The following ANKRD28 variants were observed in gnomAD, a reference collection of about 807,000 sequenced individuals.
The protein encoded by ANKRD28 is ankyrin repeat domain 28.
ANKRD28 carries 44 observed loss-of-function variants against 126.5 expected under a neutral mutation model. The observed-to-expected ratio is 0.35, with a 90% CI of 0.27 to 0.45. The LOEUF is 0.45. Ranked by LOEUF, ANKRD28 falls within the 20% of genes least tolerant of loss-of-function variation. The pLI, the probability that ANKRD28 is intolerant of heterozygous loss-of-function variation, is 1.00. For missense variants in ANKRD28, 1,110 were observed against 1,316.6 expected, an observed-to-expected ratio of 0.84 and a Z score of 2.43; for synonymous variants, 442 against 468.5, an observed-to-expected ratio of 0.94 and a Z score of 0.73.
At position 15,854,673 on chromosome 3, in the gene ANKRD28, T is replaced by G. The variant is rs147637787; in HGVS notation, c.27+4704A>C. On this transcript the variant is annotated intron_variant, in intron 1 of 27. Transcript: ENST00000399451. This position sits in a 1 kb window ranked among gnomAD's most constrained non-coding sequence, Gnocchi z 4.1. The stretch of plus-strand genomic sequence containing the variant: ...ATCTCACTTACCCTACATCTATGTG[T>G]TTTTTTTTTCCCCTCTTCTAAGATC... Among the ~76,000 whole-genome samples, 226 of 149,584 alleles carry G rather than the reference T, an allele frequency of 1.5e-3. 2 individuals carry two copies. Among genetic ancestry groups the G allele is most frequent in the African/African-American group, 5.4e-3 (219 of 40,934 alleles).
chr3:15,781,107 AT>A (rs1254679310), intron 2 of ANKRD28, among the ~76,000 whole-genome samples: 1 of 152,060 alleles, frequency 6.6e-6, no homozygotes. Context: ...AAAAAAAAAA[AT>A]CACATGTATA....
intron 4 of ANKRD28, among the ~76,000 whole-genome samples, chr3:15,741,185 C>T (rs768259160): frequency 1.3e-5 from 2 of 150,684 alleles, no homozygotes; most frequent in African/African-American, 4.9e-5. Context: ...GGCGACAGAG[C>T]GAGACTCCAT....
rs1034544812 is a variant in ANKRD28 at position 15,838,934 on chromosome 3, G to C, written c.27+20443C>G. 1.4e-4 allele frequency among the ~76,000 whole-genome samples: 22 copies of C among 152,060 alleles called. No individual in the cohort carries two copies. The highest frequency in any genetic ancestry group is 1.0e-3 in the Admixed American group (16 of 15,276). On this transcript the variant is annotated intron_variant, in intron 1 of 27. Coordinates refer to the ANKRD28 transcript ENST00000399451. This position sits in a 1 kb window ranked among gnomAD's most constrained non-coding sequence, Gnocchi z 4.0. ...CAATGGAATACTATTCAGCAACGAAGAACCAATTAATACATGTTACAACAT... is the reference window on the plus strand; with the variant it reads ...CAATGGAATACTATTCAGCAACGAACAACCAATTAATACATGTTACAACAT...
intron 14 of ANKRD28, among the ~76,000 whole-genome samples, chr3:15,704,088 GC>G (rs1575259966): frequency 6.6e-6 from 1 of 152,044 alleles, no homozygotes; most frequent in African/African-American, 2.4e-5. Flanking sequence ...CTCAAAGACA[GC>G]CCTATACGTA....
intron 1 of ANKRD28, among the ~76,000 whole-genome samples, chr3:15,828,696 T>C (rs1377862433): frequency 6.6e-6 from 1 of 152,024 alleles, no homozygotes; most frequent in Non-Finnish European, 1.5e-5. Flanking sequence ...ATTTTTAACC[T>C]AATCTCTGAC....
intron 2 of ANKRD28, among the ~76,000 whole-genome samples, chr3:15,790,710 T>C (rs909040546): frequency 6.6e-6 from 1 of 151,794 alleles, no homozygotes; most frequent in Non-Finnish European, 1.5e-5. Flanking sequence ...AAACTGAAAA[T>C]CTTTCCTCTA....
In ANKRD28 at chr3:15,843,334, C is replaced by A. The variant is rs866005027; in HGVS notation, c.27+16043G>T. On this transcript the variant is annotated intron_variant, in intron 1 of 27. Coordinates refer to the ANKRD28 transcript ENST00000399451. This position sits in a 1 kb window ranked among gnomAD's most constrained non-coding sequence, Gnocchi z 5.2. ...ATGATCCAATCACCTCTCACCAGAC[C>A]CCAATCCCAACACTAAAGATTACAT... Among the ~76,000 whole-genome samples, 1 of 152,034 alleles carries A rather than the reference C, an allele frequency of 6.6e-6. No homozygotes were observed. The highest frequency in any genetic ancestry group is 2.1e-4 in the South Asian group (1 of 4,830).
At position 15,793,833 on chromosome 3, in the gene ANKRD28, A is replaced by G. The variant is rs765128080; in HGVS notation, c.201+1390T>C. On this transcript the variant is annotated intron_variant, in intron 2 of 27. Transcript: ENST00000683139. The stretch of plus-strand genomic sequence containing the variant: ...GTAATCCCAGCACTTTGGGAGGCCA[A>G]GGCGGGCCGATCACCTGAGATCAGG... Among the ~76,000 whole-genome samples the G allele has an allele frequency of 3.3e-5, 5 of 152,206 alleles. No individual in the cohort carries two copies. In the South Asian group the frequency reaches 8.3e-4, roughly 25 times the overall value.
intron 1 of ANKRD28, among the ~76,000 whole-genome samples, chr3:15,844,318 T>C (rs2061485595): frequency 6.6e-6 from 1 of 152,146 alleles, no homozygotes; most frequent in Non-Finnish European, 1.5e-5. Context: ...GGTCAAGACT[T>C]CTCAAGAGGT....
chr3:15,847,597 C>G (rs2061555677), intron 1 of ANKRD28, among the ~76,000 whole-genome samples: 1 of 152,176 alleles, frequency 6.6e-6, no homozygotes. Context: ...TGCTCTAAAT[C>G]TTAGGCCCTC....
At chr3:15,772,385 A>C (rs1032188439) in intron 2 of ANKRD28, among the ~76,000 whole-genome samples, 3 of 152,200 alleles carry the variant, frequency 2.0e-5, no homozygotes, top group African/African-American at 7.2e-5. Context: ...GATGAAGCCA[A>C]CATTATCATC....
chr3:15,827,623 A>C (rs2061095912), intron 1 of ANKRD28, among the ~76,000 whole-genome samples: 1 of 152,178 alleles, frequency 6.6e-6, no homozygotes, highest in East Asian at 1.9e-4. Context: ...GTAAGAGCTA[A>C]AACTGTAAAA....
intron 17 of ANKRD28, among the ~76,000 whole-genome samples, chr3:15,691,785 G>A (rs1287369610): frequency 6.6e-6 from 1 of 152,126 alleles, no homozygotes; most frequent in East Asian, 1.9e-4. Flanking sequence ...TTATGCTACT[G>A]AAAGAATGAA....
chr3:15,797,569 A>AAGC lies in ANKRD28; in HGVS notation c.-1049_-1048insGCT. 1.0e-6 allele frequency: 1 copy of AAGC among 981,252 alleles called. No individual in the cohort carries two copies. Among genetic ancestry groups the AAGC allele is most frequent in the African/African-American group, 1.8e-5 (1 of 56,572 alleles). 60.8% of individuals were successfully genotyped at this position (981,252 alleles called of 1,614,324 possible). A position where few individuals can be genotyped will look rare whatever the true frequency, so the allele number is the denominator to read the frequency against. ...CTTTTTGTTTTCTTTAAAAAAAAAA[A>AAGC]GGGGGGGGAAAAACATAGTAGTGTA... On this transcript the variant is annotated 5_prime_UTR_variant, in exon 1 of 28. Coordinates refer to ENST00000683139, the MANE Select transcript of ANKRD28 (RefSeq NM_001349278.2).
chr3:15,684,019 T>C (rs904427000), intron 21 of ANKRD28: 1 of 152,056 alleles, frequency 6.6e-6, no homozygotes, highest in African/African-American at 2.4e-5. Context: ...AACTACAGCT[T>C]TGTAGATCTG....
chr3:15,696,977 C>A (rs1030739093), intron 14 of ANKRD28, among the ~76,000 whole-genome samples: 1 of 152,106 alleles, frequency 6.6e-6, no homozygotes, highest in African/African-American at 2.4e-5. Flanking sequence ...TTGAAAAAGG[C>A]ACTTGCACAT....
rs2059472849 is a variant in ANKRD28 at position 15,780,066 on chromosome 3, C to T, written c.202-13754G>A. ...TCCTATCCACCATAGTGCTGCAAGT[C>T]CTAGCCAGAACAATTAGGCAAGAGA... is the stretch of plus-strand genomic sequence containing the variant. On this transcript the variant is annotated intron_variant, in intron 2 of 27. Coordinates refer to ENST00000683139, the MANE Select transcript of ANKRD28 (RefSeq NM_001349278.2). Among the ~76,000 whole-genome samples, 3 of 152,032 alleles carry T rather than the reference C, an allele frequency of 2.0e-5. No individual in the cohort carries two copies. The South Asian group carries it at 6.2e-4, about 32-fold the overall frequency.
At chr3:15,764,664 C>T (rs1282951913) in intron 3 of ANKRD28, among the ~76,000 whole-genome samples, 2 of 152,096 alleles carry the variant, frequency 1.3e-5, no homozygotes, top group Non-Finnish European at 2.9e-5. Context: ...CAGTCCTAAA[C>T]TGTTTCTTGG....
intron 14 of ANKRD28, among the ~76,000 whole-genome samples, chr3:15,699,745 G>C (rs905013859): frequency 2.0e-5 from 3 of 152,238 alleles, no homozygotes; most frequent in Admixed American, 1.3e-4. Flanking sequence ...ACAGATGCTG[G>C]AGAGGATGTG....
Sources: gnomAD v4.1 joint callset for allele counts (sites outside exome capture counted in the v4.1 genomes callset) on GRCh38, gnomAD v4.1.1 for gene constraint, Gnocchi (gnomAD v3.1) non-coding constraint, MANE v1.5 for transcripts, NCBI Gene and HGNC (gene_info 2026-07-23, HGNC 2026-07-21) for gene names.